The following KDM6B variants were observed in gnomAD, a reference collection of about 807,000 sequenced individuals.
KDM6B encodes the protein lysine demethylase 6B, also known as lysine-specific demethylase 6B.
KDM6B carries 22 observed loss-of-function variants against 150.4 expected under a neutral mutation model. The observed-to-expected ratio is 0.15, with a 90% CI of 0.10 to 0.21. KDM6B has a LOEUF of 0.21. Ranked by LOEUF, KDM6B falls within the 10% of genes least tolerant of loss-of-function variation. The probability of loss-of-function intolerance (pLI) is 1.00; values close to 1 mark genes in which losing one functional copy is unlikely to be tolerated. For synonymous variants in KDM6B, 1,148 were observed against 921.1 expected (o/e 1.25, Z -4.46); for missense variants, 1,984 against 2,234.3 (o/e 0.89, Z 2.26).
chr17:7,848,387 A>G lies in KDM6B; in HGVS notation c.2099A>G (p.Lys700Arg). 6.2e-7 allele frequency: 1 copy of G among 1,613,066 alleles called. No individual in the cohort carries two copies. Among genetic ancestry groups the G allele is most frequent in the Non-Finnish European group, 8.5e-7 (1 of 1,180,014 alleles). The change falls in exon 12 of 24, where the codon AAG becomes AGG. Residue 700 changes from lysine (K) to arginine (R), a missense_variant. This residue lies in a region of KDM6B where 1,379 missense variants were observed against 1,275.6 expected (regional missense o/e 1.08). Transcript: ENST00000448097. ...CCTGATGGGCTGGCCAACATCATGA[A>G]GATGCTGGACGAATCCATTCGCAAG... The part of the protein sequence containing the change: ...ILPDGLANIM[K>R]MLDESIRKEE...
rs1417350303 is a variant in KDM6B at position 7,848,675 on chromosome 17, C to T, written c.2387C>T (p.Pro796Leu). Residue 796 changes from proline to leucine, a missense_variant, in exon 12 of 24, where the codon CCA becomes CTA. By Grantham distance (98) the Pro-to-Leu change is moderately conservative. This residue lies in a region of KDM6B where 1,379 missense variants were observed against 1,275.6 expected (regional missense o/e 1.08). Coordinates refer to ENST00000448097, the MANE Select transcript of KDM6B (RefSeq NM_001348716.2). ...PPSQPQPPPP[P>L]PPSPASLLKS... is the part of the protein sequence containing the mutation. ...TCTCAGCCACAGCCACCACCACCCC[C>T]ACCCCCCAGCCCGGCCAGCCTGCTC... The T allele has an allele frequency of 6.2e-7, 1 of 1,610,504 alleles. No homozygotes were observed. The highest frequency in any genetic ancestry group is 8.5e-7 in the Non-Finnish European group (1 of 1,179,206).
In KDM6B at chr17:7,848,205, G is replaced by A. The variant is rs1442780002; in HGVS notation, c.1917G>A (p.Glu639=). Residue 639 remains glutamate (E), a synonymous_variant, in exon 12 of 24, where the codon GAG becomes GAA. Transcript: ENST00000448097. The part of the protein sequence containing the change: ...RPRVSFPKTP[E]VGPGPPPGPL... ...GGGTCTCCTTCCCAAAGACCCCCGA[G>A]GTGGGGCCGGGGCCACCCCCAGGCC... 2 of 1,611,094 alleles carry A rather than the reference G, an allele frequency of 1.2e-6. No homozygotes were observed. Among genetic ancestry groups the A allele is most frequent in the Non-Finnish European group, 1.7e-6 (2 of 1,178,744 alleles).
At chr17:7,842,105 C>T (rs2078427641) in intron 2 of KDM6B, among the ~76,000 whole-genome samples, 1 of 152,228 alleles carries the variant, frequency 6.6e-6, no homozygotes, top group African/African-American at 2.4e-5. Context: ...CACTTCAGGC[C>T]TCTTACCACG....
chr17:7,847,757 C>A lies in KDM6B; in HGVS notation c.1469C>A (p.Ala490Asp), dbSNP rs202015787. ...PPPPAWLKGP[A>D]CRAAREDGEI... ...CCCCCTGCCTGGTTGAAGGGTCCGG[C>A]CTGCCGGGCAGCCCGAGAGGATGGA... is the stretch of plus-strand genomic sequence containing the variant. Residue 490 changes from alanine to aspartate, a missense_variant, in exon 12 of 24, where the codon GCC becomes GAC. Coordinates refer to ENST00000448097, the MANE Select transcript of KDM6B (RefSeq NM_001348716.2). 3.0e-6 allele frequency: 4 copies of A among 1,350,334 alleles called. No homozygotes were observed. The highest frequency in any genetic ancestry group is 3.9e-6 in the Non-Finnish European group (4 of 1,022,304). 83.6% of individuals were successfully genotyped at this position (1,350,334 alleles called of 1,614,324 possible). A position where few individuals can be genotyped will look rare whatever the true frequency, so the allele number is the denominator to read the frequency against.
intron 1 of KDM6B, among the ~76,000 whole-genome samples, chr17:7,838,117 G>A (rs1016570822): frequency 6.8e-6 from 1 of 147,004 alleles, no homozygotes; most frequent in African/African-American, 2.5e-5. Flanking sequence ...CTCCCGTGTT[G>A]ATCTCTGGAG....
Position 7,853,262 on chromosome 17 carries a change from C to T in KDM6B, c.4790C>T (p.Thr1597Met), listed in dbSNP as rs200125636. The T allele has an allele frequency of 4.1e-5, 66 of 1,610,590 alleles. No homozygotes were observed. In the East Asian group the frequency reaches 1.5e-3, roughly 35 times the overall value. ...ACAAGTGAGAATGGCAGCCGCAACA[C>T]GTACCTGGTACACTGCGAGGGCTGT... is the stretch of plus-strand genomic sequence containing the variant. ...FVTSENGSRN[T>M]YLVHCEGCAR... Residue 1597 changes from threonine (T) to methionine (M), a missense_variant, in exon 23 of 24, where the codon ACG becomes ATG. Physicochemically the swap from Thr to Met is moderately conservative, Grantham distance 81 (BLOSUM62 -1). This residue lies in a region of KDM6B where 58 missense variants were observed against 76.4 expected (regional missense o/e 0.76). Coordinates refer to ENST00000448097, the MANE Select transcript of KDM6B (RefSeq NM_001348716.2).
At position 7,848,772 on chromosome 17, in the gene KDM6B, G is replaced by C. The variant is rs1012765168; in HGVS notation, c.2484G>C (p.Arg828=). ...GGACTGGAGCAGCTGTTTCCACCCG[G>C]CCTGGGCCCTTGCCCACCACTCAGT... ...YRGTGAAVST[R]PGPLPTTQYS... The change falls in exon 12 of 24, where the codon CGG becomes CGC. Residue 828 remains arginine (R), a synonymous_variant. Coordinates refer to ENST00000448097, the MANE Select transcript of KDM6B (RefSeq NM_001348716.2). 1.9e-6 allele frequency: 3 copies of C among 1,612,694 alleles called. No homozygotes were observed. The highest frequency in any genetic ancestry group is 1.6e-4 in the Middle Eastern group (1 of 6,084).
At chr17:7,841,069 C>T (rs1161765735) in intron 2 of KDM6B, among the ~76,000 whole-genome samples, 1 of 152,130 alleles carries the variant, frequency 6.6e-6, no homozygotes, top group African/African-American at 2.4e-5. Flanking sequence ...TGACTTTGGC[C>T]AAGTCACCTA....
chr17:7,851,279 G>A (rs1486688236), intron 15 of KDM6B, 51 bp from the exon 16 acceptor site: 3 of 1,613,448 alleles, frequency 1.9e-6, no homozygotes, highest in South Asian at 1.1e-5. Flanking sequence ...TGCGGTGGGA[G>A]GGCTCTCGAA....
intron 13 of KDM6B, 56 bp downstream of exon 13, chr17:7,850,003 T>C: frequency 6.2e-7 from 1 of 1,613,494 alleles, no homozygotes; most frequent in South Asian, 1.1e-5. Flanking sequence ...TAAGACAGTG[T>C]TGGGGACTGC....
rs1157690464 is a variant in KDM6B at position 7,846,486 on chromosome 17, C to T, written c.543C>T (p.His181=). 2 of 1,613,908 alleles carry T rather than the reference C, an allele frequency of 1.2e-6. No homozygotes were observed. Among genetic ancestry groups the T allele is most frequent in the Non-Finnish European group, 1.7e-6 (2 of 1,179,932 alleles). ...TGGAGCAAGTGTGGAACTTGCTACA[C>T]CTTGAGGTGAGGCTGGCACTGGGTG... The part of the protein sequence containing the change: ...PPLEQVWNLL[H]LEHKRNYGAK... Residue 181 remains histidine, a synonymous_variant, in exon 8 of 24, where the codon CAC becomes CAT. Transcript: ENST00000448097.
Position 7,847,624 on chromosome 17 carries a change from C to T in KDM6B, c.1336C>T (p.Arg446Trp), listed in dbSNP as rs375353410. The change falls in exon 12 of 24, where the codon CGG (arginine) becomes TGG (tryptophan). Residue 446 changes from arginine to tryptophan, a missense_variant. By Grantham distance (101) the Arg-to-Trp change is moderately radical. This residue lies in a region of KDM6B where 1,379 missense variants were observed against 1,275.6 expected (regional missense o/e 1.08). Transcript: ENST00000448097. ...GRLGPSAHSSRKPFLGAPAAT... is the reference protein window; with the variant it reads ...GRLGPSAHSSWKPFLGAPAAT... ...CCTGGGGCCCTCGGCACACAGCAGT[C>T]GGAAACCGTTCTTGGGGGCTCCCGC... 5.0e-6 allele frequency: 8 copies of T among 1,611,908 alleles called. No homozygotes were observed. The highest frequency in any genetic ancestry group is 2.2e-5 in the East Asian group (1 of 44,870).
chr17:7,851,335 G>A lies in KDM6B; in HGVS notation c.3885G>A (p.Glu1295=). 1 of 1,614,002 alleles carries A rather than the reference G, an allele frequency of 6.2e-7. No homozygotes were observed. Among genetic ancestry groups the A allele is most frequent in the Non-Finnish European group, 8.5e-7 (1 of 1,179,900 alleles). ...CCTACCCTCTGGCTGAACAGGAGGAGAAGGAGAGTGAGGATGAGGAGTCAG... is the reference window on the plus strand; with the variant it reads ...CCTACCCTCTGGCTGAACAGGAGGAAAAGGAGAGTGAGGATGAGGAGTCAG... ...ASSFQESLQE[E]KESEDEESEE... Residue 1295 remains glutamate, a synonymous_variant, in exon 16 of 24, where the codon GAG becomes GAA. Coordinates refer to ENST00000448097, the MANE Select transcript of KDM6B (RefSeq NM_001348716.2).
Position 7,844,068 on chromosome 17 carries a change from C to CG in KDM6B, c.-268-832dup, listed in dbSNP as rs1460783151. ...CTCCCTCCCTCAGGACCCCCCCCCC[C>CG]GCAGTACATTTACACACACCGCTTC... is the stretch of plus-strand genomic sequence containing the variant. On this transcript the variant is annotated intron_variant, in intron 2 of 23. Transcript: ENST00000448097. The surrounding 1 kb of genome is among the most constrained non-coding windows in gnomAD (Gnocchi z 5.9). 6.7e-6 allele frequency: 1 copy of CG among 149,046 alleles called. No individual in the cohort carries two copies. The highest frequency in any genetic ancestry group is 1.5e-5 in the Non-Finnish European group (1 of 66,910). The allele number at this position is 149,046 out of a possible 1,614,324, so 9.2% of individuals were successfully genotyped here.
Position 7,852,064 on chromosome 17 carries a change from C to T in KDM6B, c.4279C>T (p.Arg1427Trp). 6.2e-7 allele frequency: 1 copy of T among 1,613,870 alleles called. No homozygotes were observed. Among genetic ancestry groups the T allele is most frequent in the Non-Finnish European group, 8.5e-7 (1 of 1,179,902 alleles). ...YWETISAFCD[R>W]HGVDYLTGSW... ...GGAGACCATCAGCGCTTTCTGTGATCGGTGCGTGCCGTCCTGCGCAAGTCA... is the reference window on the plus strand; with the variant it reads ...GGAGACCATCAGCGCTTTCTGTGATTGGTGCGTGCCGTCCTGCGCAAGTCA... The change falls in exon 19 of 24, where the codon CGG (arginine) becomes TGG (tryptophan). Residue 1427 changes from arginine to tryptophan, a missense_variant and splice_region_variant. Arg to Trp is a moderately radical substitution (Grantham distance 101). This residue lies in a region of KDM6B where 19 missense variants were observed against 21.1 expected (regional missense o/e 0.90). Transcript: ENST00000448097.
chr17:7,834,944 C>T (rs1326321944), intron 1 of KDM6B, among the ~76,000 whole-genome samples: 2 of 152,084 alleles, frequency 1.3e-5, no homozygotes, highest in African/African-American at 4.8e-5. Context: ...CCTTCTCCCA[C>T]TCCGCCGTTC....
At position 7,854,775 on chromosome 17, in the gene KDM6B, A is replaced by G; in HGVS notation, c.*1254A>G. On this transcript the variant is annotated 3_prime_UTR_variant, in exon 24 of 24. Coordinates refer to ENST00000448097, the MANE Select transcript of KDM6B (RefSeq NM_001348716.2). The stretch of plus-strand genomic sequence containing the variant: ...ATTTTTGTGTGAGAATATTAATATT[A>G]AAAATAAACGGAGAAAAAAAATCCT... 1 of 356,200 alleles carries G rather than the reference A, an allele frequency of 2.8e-6. No homozygotes were observed. 22.1% of individuals were successfully genotyped at this position (356,200 alleles called of 1,614,324 possible).
At position 7,846,888 on chromosome 17, in the gene KDM6B, CCACCACCA is replaced by C. The variant is rs750371568; in HGVS notation, c.783_790del (p.Pro263AlafsTer94). 6.3e-7 allele frequency: 1 copy of C among 1,597,784 alleles called. No homozygotes were observed. ...ACCACCACCACCACCACCACCACCA[CCACCACCA>C]CCCCTGCCTGGCCTGGCTACCAGCC... On this transcript the variant is annotated frameshift_variant, in exon 10 of 24. Coordinates refer to ENST00000448097, the MANE Select transcript of KDM6B (RefSeq NM_001348716.2). LOFTEE classifies it high-confidence loss of function.
intron 4 of KDM6B, 46 bp from the exon 5 acceptor site, chr17:7,845,504 C>G (rs562707413): frequency 8.7e-6 from 14 of 1,612,518 alleles, no homozygotes; most frequent in Admixed American, 6.7e-5. Context: ...ACTGGCAGCT[C>G]TGGTTTTGCC....
Sources: allele counts gnomAD v4.1 joint callset (sites outside exome capture counted in the v4.1 genomes callset), GRCh38; gene constraint gnomAD v4.1.1; regional missense constraint gnomAD v4.1.1; non-coding constraint Gnocchi (gnomAD v3.1); transcripts MANE v1.5; gene names NCBI Gene and HGNC (gene_info 2026-07-23, HGNC 2026-07-21).